The following CACNA1C variants were observed in gnomAD, a reference collection of about 807,000 sequenced individuals.
CACNA1C encodes voltage-dependent L-type calcium channel subunit alpha-1C.
Under a neutral mutation model 229.0 loss-of-function variants are expected in CACNA1C, and 30 were observed. The ratio of observed to expected loss-of-function variants is 0.13; its 90% CI spans 0.10 to 0.18. CACNA1C has a LOEUF of 0.18. Ranked by LOEUF, CACNA1C falls within the 10% of genes least tolerant of loss-of-function variation. The pLI, the probability that CACNA1C is intolerant of heterozygous loss-of-function variation, is 1.00. For missense variants in CACNA1C, 1,658 were observed against 2,845.0 expected, an observed-to-expected ratio of 0.58 and a Z score of 9.49; for synonymous variants, 1,114 against 1,132.5, an observed-to-expected ratio of 0.98 and a Z score of 0.33.
chr12:2,539,167 C>G (rs986601755), intron 9 of CACNA1C, among the ~76,000 whole-genome samples: 1 of 152,164 alleles, frequency 6.6e-6, no homozygotes, highest in African/African-American at 2.4e-5. Context: ...CGGTCAGTGT[C>G]CCCATGGAAA....
rs557738769 is a variant in CACNA1C, at chr12:2,654,159, C to T, written c.4140+259C>T. On this transcript the variant is annotated intron_variant, in intron 33 of 46. Transcript: ENST00000399655. This position sits in a 1 kb window ranked among gnomAD's most constrained non-coding sequence, Gnocchi z 4.4. ...AGCCTCCCTCCCCGAGGCCTGGGTT[C>T]TGCTCTTGGTAGAGGAAAGACACTC... 1.6e-3 allele frequency among the ~76,000 whole-genome samples: 237 copies of T among 152,292 alleles called. 1 individual carries two copies. Among genetic ancestry groups the T allele is most frequent in the Non-Finnish European group, 2.0e-3 (133 of 68,018 alleles).
At chr12:2,209,591 A>G (rs1599192565) in intron 3 of CACNA1C, among the ~76,000 whole-genome samples, 1 of 152,230 alleles carries the variant, frequency 6.6e-6, no homozygotes, top group Non-Finnish European at 1.5e-5. Context: ...AATCCGAATT[A>G]TATTTTAGAA....
intron 8 of CACNA1C, among the ~76,000 whole-genome samples, chr12:2,511,803 A>G (rs74505996): frequency 0.019 from 2,847 of 152,270 alleles, 38 homozygotes; most frequent in Non-Finnish European, 0.024. Context: ...GGACAGAATC[A>G]TAGAAAAGAA....
At chr12:1,975,342 C>T (rs1477755074) in intron 1 of CACNA1C, among the ~76,000 whole-genome samples, 2 of 148,134 alleles carry the variant, frequency 1.4e-5, no homozygotes, top group Non-Finnish European at 3.0e-5. Context: ...ATTTTTCCTT[C>T]TGTGGGTTAA....
intron 9 of CACNA1C, among the ~76,000 whole-genome samples, chr12:2,518,089 C>T (rs115952056): frequency 9.1e-4 from 138 of 152,242 alleles, no homozygotes; most frequent in African/African-American, 3.1e-3. Flanking sequence ...TTATGTGACT[C>T]GGGAGCCACT....
chr12:2,440,310 G>A (rs991734773), intron 3 of CACNA1C, among the ~76,000 whole-genome samples: 7 of 152,020 alleles, frequency 4.6e-5, no homozygotes, highest in East Asian at 1.9e-4. Context: ...CTCGTAACCC[G>A]TAATCTACTG....
rs116171154 is a variant in CACNA1C at position 2,467,692 on chromosome 12, C to T, written c.757+9986C>T. Among the ~76,000 whole-genome samples the T allele has an allele frequency of 8.7e-3, 1,332 of 152,236 alleles. 21 individuals carry two copies. The highest frequency in any genetic ancestry group is 0.031 in the African/African-American group (1,274 of 41,534). ...CCCAGCCCCGCCCTGCCCCTTAGCA[C>T]CTGCCAGGCCCACCCTCTCCCCCGG... On this transcript the variant is annotated intron_variant, in intron 5 of 46. Transcript: ENST00000399655. This position sits in a 1 kb window ranked among gnomAD's most constrained non-coding sequence, Gnocchi z 4.6.
intron 1 of CACNA1C, among the ~76,000 whole-genome samples, chr12:2,039,935 G>A (rs2049799074): frequency 6.6e-6 from 1 of 152,022 alleles, no homozygotes; most frequent in Non-Finnish European, 1.5e-5. Context: ...TGGGGATGGG[G>A]GTAGGATTTA....
At chr12:2,426,592 G>GGAT (rs2099034739) in intron 3 of CACNA1C, among the ~76,000 whole-genome samples, 1 of 152,198 alleles carries the variant, frequency 6.6e-6, no homozygotes. Context: ...CAAACTACCC[G>GGAT]GATACTTAGT....
At chr12:2,240,860 TCAGGGCCTGAATTTC>T (rs779055754) in intron 3 of CACNA1C, among the ~76,000 whole-genome samples, 4 of 151,862 alleles carry the variant, frequency 2.6e-5, no homozygotes, top group Middle Eastern at 3.2e-3. Flanking sequence ...CCCAACTCCC[TCAGGGCCTGAATTTC>T]CAGGGTGAGA....
At chr12:2,075,708 C>T (rs989324119) in intron 1 of CACNA1C, among the ~76,000 whole-genome samples, 7 of 152,192 alleles carry the variant, frequency 4.6e-5, no homozygotes, top group Non-Finnish European at 1.0e-4. Context: ...ACAGAAGTGG[C>T]GTCAGTACCA....
At chr12:2,656,367 C>T (rs554473308) in intron 34 of CACNA1C, among the ~76,000 whole-genome samples, 1 of 152,108 alleles carries the variant, frequency 6.6e-6, no homozygotes, top group Non-Finnish European at 1.5e-5. Context: ...AAATAAAATA[C>T]TTAGGAATAA....
chr12:2,445,161 C>T (rs1447271818), intron 3 of CACNA1C, among the ~76,000 whole-genome samples: 1 of 152,194 alleles, frequency 6.6e-6, no homozygotes, highest in Non-Finnish European at 1.5e-5. Context: ...ATTCCCTACT[C>T]CCTACCCCCA....
At chr12:2,165,696 A>G (rs1343212087) in intron 3 of CACNA1C, among the ~76,000 whole-genome samples, 1 of 151,742 alleles carries the variant, frequency 6.6e-6, no homozygotes, top group Non-Finnish European at 1.5e-5. Flanking sequence ...AGTGAACATT[A>G]CCTTTCAAGC....
intron 1 of CACNA1C, among the ~76,000 whole-genome samples, chr12:2,015,332 C>G (rs2045167569): frequency 6.6e-6 from 1 of 152,184 alleles, no homozygotes; most frequent in African/African-American, 2.4e-5. Flanking sequence ...ATCCCAGCCC[C>G]AAGTTTTCTG....
At chr12:2,111,562 T>G (rs1276811727) in intron 1 of CACNA1C, among the ~76,000 whole-genome samples, 1 of 150,886 alleles carries the variant, frequency 6.6e-6, no homozygotes, top group Non-Finnish European at 1.5e-5. Flanking sequence ...GGGACAGCCG[T>G]CTCAGGGGAG....
intron 1 of CACNA1C, among the ~76,000 whole-genome samples, chr12:2,026,948 C>T (rs117432074): frequency 0.014 from 2,150 of 152,108 alleles, 21 homozygotes; most frequent in Non-Finnish European, 0.021. Flanking sequence ...AACTACAAAA[C>T]GATGCTTTTC....
intron 6 of CACNA1C, among the ~76,000 whole-genome samples, chr12:2,491,682 T>C (rs2099735091): frequency 6.6e-6 from 1 of 152,112 alleles, no homozygotes; most frequent in Non-Finnish European, 1.5e-5. Context: ...CTGCCACTGC[T>C]GCTGGGAAGA....
chr12:2,655,053 C>A, intron 33 of CACNA1C, 94 bp from the exon 34 acceptor site: 1 of 781,694 alleles, frequency 1.3e-6, no homozygotes, highest in Non-Finnish European at 2.2e-6. Context: ...TCCAGGGACA[C>A]CTGAGACCCC....
Sources: gnomAD v4.1 joint callset for allele counts (sites outside exome capture counted in the v4.1 genomes callset) on GRCh38, gnomAD v4.1.1 for gene constraint, Gnocchi (gnomAD v3.1) non-coding constraint, MANE v1.5 for transcripts, NCBI Gene and HGNC (gene_info 2026-07-23, HGNC 2026-07-21) for gene names.